PTCD3: variants seen among roughly 807,000 people sequenced by gnomAD.
PTCD3 encodes the protein pentatricopeptide repeat domain 3.
Under a neutral mutation model 101.9 loss-of-function variants are expected in PTCD3, and 89 were observed. That is an observed-to-expected ratio of 0.87 (90% CI 0.74 to 1.04). The LOEUF (loss-of-function observed/expected upper bound fraction) is 1.04. Ranked by LOEUF, PTCD3 falls within the 50% of genes least tolerant of loss-of-function variation. The pLI is 0.00. For synonymous variants in PTCD3, 296 were observed against 278.5 expected (o/e 1.06, Z -0.63); for missense variants, 870 against 828.2 (o/e 1.05, Z -0.62).
chr2:86,121,994 G>A (rs1010711391), intron 8 of PTCD3, among the ~76,000 whole-genome samples: 1 of 152,286 alleles, frequency 6.6e-6, no homozygotes, highest in South Asian at 2.1e-4. Flanking sequence ...GTAGTGTGCC[G>A]GGGCCCGCCT....
At chr2:86,109,829 G>A (rs571765093) in intron 3 of PTCD3, among the ~76,000 whole-genome samples, 1 of 152,274 alleles carries the variant, frequency 6.6e-6, no homozygotes, top group South Asian at 2.1e-4. Context: ...TACATTGAAA[G>A]GAATTAATTA....
At chr2:86,127,128 A>C in intron 12 of PTCD3, 33 bp from the exon 13 acceptor site, 1 of 1,581,140 alleles carries the variant, frequency 6.3e-7, no homozygotes, top group Non-Finnish European at 8.6e-7. Flanking sequence ...TTACCCAGGC[A>C]TGAAAGATAC....
At chr2:86,121,102 C>G (rs962477607) in intron 7 of PTCD3, among the ~76,000 whole-genome samples, 1 of 152,112 alleles carries the variant, frequency 6.6e-6, no homozygotes, top group Non-Finnish European at 1.5e-5. Context: ...TGGAATAATT[C>G]TACTTGCATT....
At chr2:86,113,769 C>G (rs1231183284) in intron 4 of PTCD3, among the ~76,000 whole-genome samples, 1 of 152,076 alleles carries the variant, frequency 6.6e-6, no homozygotes. Context: ...CAGGATCGCA[C>G]CACTGTACTC....
chr2:86,129,506 G>A (rs1021494407), intron 14 of PTCD3, among the ~76,000 whole-genome samples: 23 of 152,220 alleles, frequency 1.5e-4, no homozygotes, highest in African/African-American at 5.5e-4. Context: ...GCTGGGCATG[G>A]TGGCGCACCC....
chr2:86,132,980 C>A, intron 17 of PTCD3, 198 bp from the exon 18 acceptor site: 1 of 705,066 alleles, frequency 1.4e-6, no homozygotes, highest in Non-Finnish European at 2.2e-6. Context: ...TAGAAATGAC[C>A]AGTTGAGGGT....
rs778052615 is a variant in PTCD3, at chr2:86,108,495, A to T, written c.158-5A>T. On this transcript the variant is annotated splice_region_variant and splice_polypyrimidine_tract_variant and intron_variant, in intron 2 of 23. Transcript: ENST00000254630. Reference sequence around the variant, plus strand: ...AACTGATTCATGTTTTCTTTTTTACATTAGGGATTGAAGAAGTAGTAATTC... The same window carrying T: ...AACTGATTCATGTTTTCTTTTTTACTTTAGGGATTGAAGAAGTAGTAATTC... The T allele has an allele frequency of 6.3e-7, 1 of 1,594,062 alleles. No homozygotes were observed. The highest frequency in any genetic ancestry group is 1.2e-5 in the South Asian group (1 of 86,850).
intron 14 of PTCD3, among the ~76,000 whole-genome samples, chr2:86,128,871 A>G (rs1486631096): frequency 6.6e-6 from 1 of 152,246 alleles, no homozygotes; most frequent in South Asian, 2.1e-4. Flanking sequence ...TGTGTCTGCT[A>G]CTGTGCTTGG....
chr2:86,111,839 G>A (rs1674091017), intron 4 of PTCD3: 1 of 152,362 alleles, frequency 6.6e-6, no homozygotes, highest in Non-Finnish European at 1.5e-5. Flanking sequence ...CCACCTCCTG[G>A]GTTCAAGCAA....
Position 86,137,112 on chromosome 2 carries a change from A to G in PTCD3, c.1951A>G (p.Ser651Gly). The G allele has an allele frequency of 6.3e-7, 1 of 1,594,310 alleles. No homozygotes were observed. The highest frequency in any genetic ancestry group is 8.5e-7 in the Non-Finnish European group (1 of 1,171,748). The stretch of plus-strand genomic sequence containing the variant: ...TGAGGGCCTCACCCAGAGAGTAATG[A>G]GTGATTTTGCAATCAACCAGGAACA... ...ICEGLTQRVM[S>G]DFAINQEQKE... Residue 651 changes from serine (S) to glycine (G), a missense_variant, in exon 23 of 24, where the codon AGT becomes GGT. Transcript: ENST00000254630.
At chr2:86,111,223 C>T (rs1036177346) in intron 4 of PTCD3, 65 bp downstream of exon 4, 1 of 1,312,406 alleles carries the variant, frequency 7.6e-7, no homozygotes, top group Non-Finnish European at 1.1e-6. Context: ...TTTAACTCGG[C>T]TAATAACACA....
intron 17 of PTCD3, 129 bp from the exon 18 acceptor site, chr2:86,133,049 G>A (rs547104732): frequency 2.0e-4 from 290 of 1,419,792 alleles, no homozygotes; most frequent in East Asian, 2.8e-4. Context: ...ATATTGGCTC[G>A]TTTAACTTGA....
intron 4 of PTCD3, among the ~76,000 whole-genome samples, chr2:86,115,990 C>A (rs911203257): frequency 6.6e-5 from 10 of 152,070 alleles, no homozygotes; most frequent in African/African-American, 2.2e-4. Context: ...AAAACAGTCC[C>A]CAGTGGTAGC....
chr2:86,125,223 C>T, intron 10 of PTCD3, 141 bp downstream of exon 10: 3 of 1,379,194 alleles, frequency 2.2e-6, no homozygotes, highest in Non-Finnish European at 2.9e-6. Context: ...TCCCTGGCTT[C>T]TACCCACTGG....
At chr2:86,112,587 C>T (rs904865930) in intron 4 of PTCD3, among the ~76,000 whole-genome samples, 1 of 143,838 alleles carries the variant, frequency 7.0e-6, no homozygotes, top group African/African-American at 2.6e-5. Context: ...GAGGCTGAGG[C>T]AAGAGAATCT....
intron 4 of PTCD3, among the ~76,000 whole-genome samples, chr2:86,112,820 T>A (rs1410286184): frequency 2.0e-5 from 3 of 152,184 alleles, no homozygotes; most frequent in Non-Finnish European, 2.9e-5. Flanking sequence ...ATTTCACGCC[T>A]TTTATCTCGA....
chr2:86,126,342 C>T (rs1024636327), intron 12 of PTCD3, among the ~76,000 whole-genome samples: 1 of 151,992 alleles, frequency 6.6e-6, no homozygotes, highest in Non-Finnish European at 1.5e-5. Flanking sequence ...CTTTCCGCAG[C>T]CCTGGGACTC....
Position 86,106,332 on chromosome 2 carries a change from G to T in PTCD3, c.85G>T (p.Glu29Ter). 6.2e-7 allele frequency: 1 copy of T among 1,613,970 alleles called. No homozygotes were observed. The highest frequency in any genetic ancestry group is 1.1e-5 in the South Asian group (1 of 91,008). ...PLTGRRAGLC[E>*]QARSCRFYSG... ...GACGGGTCGGCGGGCGGGTTTGTGT[G>T]AACAGGCACGCAGCTGCAGGTAAGA... The change falls in exon 1 of 24, where the codon GAA (glutamate) becomes TAA (stop). Residue 29 changes from glutamate (E) to a stop codon, truncating the protein, a stop_gained. Transcript: ENST00000254630. LOFTEE classifies it high-confidence loss of function.
intron 4 of PTCD3, among the ~76,000 whole-genome samples, chr2:86,114,156 A>G (rs954304188): frequency 1.3e-5 from 2 of 152,260 alleles, no homozygotes; most frequent in Non-Finnish European, 2.9e-5. Context: ...TTGTGCCCTT[A>G]TGATGCTTAT....
Sources: allele counts gnomAD v4.1 joint callset (sites outside exome capture counted in the v4.1 genomes callset), GRCh38; gene constraint gnomAD v4.1.1; transcripts MANE v1.5; gene names NCBI Gene and HGNC (gene_info 2026-07-23, HGNC 2026-07-21).